Variants in ABR observed in about 807,000 individuals in gnomAD.
ABR encodes active breakpoint cluster region-related protein.
ABR carries 35 observed loss-of-function variants against 107.2 expected under a neutral mutation model. The ratio of observed to expected loss-of-function variants is 0.33; its 90% CI spans 0.25 to 0.43. The LOEUF (loss-of-function observed/expected upper bound fraction) is 0.43. Among genes scored for constraint, ABR ranks in the 20% least tolerant of loss-of-function variants. The pLI is 1.00. For missense variants in ABR, 815 were observed against 1,115.2 expected (o/e 0.73, Z 3.83); for synonymous variants, 498 against 462.0 (o/e 1.08, Z -1.00).
rs571655206 is a variant in ABR at position 1,097,645 on chromosome 17, G to A, written c.345+2992C>T. Among the ~76,000 whole-genome samples, 3 of 146,090 alleles carry A rather than the reference G, an allele frequency of 2.1e-5. No homozygotes were observed. In the East Asian group the frequency reaches 6.1e-4, roughly 30 times the overall value. Reference sequence around the variant, plus strand: ...TATAAATTCCTTTAATCCTCACAACGACCCCATGAAAAGCATACTATTTGT... The same window carrying A: ...TATAAATTCCTTTAATCCTCACAACAACCCCATGAAAAGCATACTATTTGT... On this transcript the variant is annotated intron_variant, in intron 3 of 22. Coordinates refer to ENST00000302538, the MANE Select transcript of ABR (RefSeq NM_021962.5).
exon 1 of ABR, among the ~76,000 whole-genome samples, chr17:1,229,438 G>A (rs1012283488): frequency 6.6e-6 from 1 of 151,766 alleles, no homozygotes; most frequent in Non-Finnish European, 1.5e-5. Context: ...CCGCCGCCCC[G>A]GGCCAGCGCG....
chr17:1,012,116 G>A, intron 18 of ABR, 131 bp from the exon 19 acceptor site: 1 of 1,466,222 alleles, frequency 6.8e-7, no homozygotes. Flanking sequence ...GGGGGCAGGG[G>A]CAGGGCAGAG....
chr17:1,167,478 G>A (rs546728255), intron 1 of ABR, among the ~76,000 whole-genome samples: 1 of 152,308 alleles, frequency 6.6e-6, no homozygotes, highest in South Asian at 2.1e-4. Context: ...CCACCATGGT[G>A]AAAGGCTGGT....
intron 1 of ABR, among the ~76,000 whole-genome samples, chr17:1,143,514 G>T (rs1208400937): frequency 2.3e-4 from 9 of 39,276 alleles, no homozygotes; most frequent in Admixed American, 6.7e-4. Context: ...CGCTCCTGGG[G>T]GACAGCTCGC....
At chr17:1,132,350 TATG>T (rs1440089334) in intron 1 of ABR, among the ~76,000 whole-genome samples, 5 of 151,192 alleles carry the variant, frequency 3.3e-5, no homozygotes, top group Admixed American at 2.0e-4. Flanking sequence ...TTCTACATAT[TATG>T]ATAATACTTG....
At chr17:1,059,863 T>G (rs934588929) in intron 10 of ABR, among the ~76,000 whole-genome samples, 7 of 152,156 alleles carry the variant, frequency 4.6e-5, no homozygotes, top group Non-Finnish European at 7.3e-5. Context: ...TGTGACACTG[T>G]GGGGGACAGT....
chr17:1,215,541 C>A (rs2042984232), intron 1 of ABR, among the ~76,000 whole-genome samples: 1 of 152,284 alleles, frequency 6.6e-6, no homozygotes, highest in South Asian at 2.1e-4. Flanking sequence ...TCACTGAGTG[C>A]TCAATGGTGC....
intron 1 of ABR, among the ~76,000 whole-genome samples, chr17:1,126,832 C>G (rs564435838): frequency 6.6e-6 from 1 of 152,290 alleles, no homozygotes; most frequent in East Asian, 1.9e-4. Context: ...CGCCAGCACC[C>G]ACAACCCCAC....
chr17:1,178,437 A>G (rs1015504974), intron 1 of ABR, among the ~76,000 whole-genome samples: 4 of 151,868 alleles, frequency 2.6e-5, no homozygotes, highest in Admixed American at 1.3e-4. Flanking sequence ...GGTGGTGGGT[A>G]CCTGTAATCC....
intron 2 of ABR, among the ~76,000 whole-genome samples, chr17:1,119,740 T>A: frequency 6.6e-6 from 1 of 152,164 alleles, no homozygotes; most frequent in Admixed American, 6.5e-5. Context: ...TGCAGTAGGA[T>A]CAGCGGCGGG....
intron 13 of ABR, 37 bp downstream of exon 13, chr17:1,056,961 A>T: frequency 1.4e-6 from 2 of 1,470,418 alleles, no homozygotes; most frequent in Non-Finnish European, 1.9e-6. Flanking sequence ...GAGGGCTGGG[A>T]CCTGCCGGTT....
intron 2 of ABR, among the ~76,000 whole-genome samples, chr17:1,124,395 C>T (rs2039495560): frequency 6.6e-6 from 1 of 152,188 alleles, no homozygotes; most frequent in Non-Finnish European, 1.5e-5. Context: ...CCTCCTGCAA[C>T]ACACACCCCC....
At chr17:1,220,722 G>A (rs1323472080) in intron 1 of ABR, among the ~76,000 whole-genome samples, 1 of 152,102 alleles carries the variant, frequency 6.6e-6, no homozygotes, top group African/African-American at 2.4e-5. Context: ...AGCTAAAAAC[G>A]AACCTTACAC....
intron 1 of ABR, among the ~76,000 whole-genome samples, chr17:1,128,767 C>A (rs921159727): frequency 1.5e-4 from 22 of 150,114 alleles, no homozygotes; most frequent in African/African-American, 5.4e-4. Flanking sequence ...TGGAGCCCAC[C>A]CCAGGAAGGT....
intron 2 of ABR, among the ~76,000 whole-genome samples, chr17:1,112,266 C>G (rs1332573756): frequency 6.6e-6 from 1 of 152,226 alleles, no homozygotes; most frequent in African/African-American, 2.4e-5. Context: ...GGGGTGAGGA[C>G]GTGTGAACAC....
intron 1 of ABR, among the ~76,000 whole-genome samples, chr17:1,136,280 G>A (rs1479752980): frequency 1.2e-5 from 1 of 80,604 alleles, no homozygotes; most frequent in Non-Finnish European, 2.9e-5. Flanking sequence ...CCAGGCTGGA[G>A]TGCAATGGCG....
chr17:1,205,940 C>A (rs1270504383), intron 1 of ABR, among the ~76,000 whole-genome samples: 1 of 148,924 alleles, frequency 6.7e-6, no homozygotes, highest in Non-Finnish European at 1.5e-5. Flanking sequence ...GACTCCGACT[C>A]GAAAAAAGAA....
chr17:1,076,582 A>G (rs1347227419), intron 6 of ABR, among the ~76,000 whole-genome samples: 1 of 151,926 alleles, frequency 6.6e-6, no homozygotes. Flanking sequence ...GTTTCTGACT[A>G]AGCTCAGAGG....
At chr17:1,058,600 G>T in intron 11 of ABR, 145 bp downstream of exon 11, 1 of 1,100,904 alleles carries the variant, frequency 9.1e-7, no homozygotes, top group Non-Finnish European at 1.3e-6. Flanking sequence ...AGGGGAGAGC[G>T]AGTCAACAGC....
Sources: gnomAD v4.1 joint callset for allele counts (sites outside exome capture counted in the v4.1 genomes callset) on GRCh38, gnomAD v4.1.1 for gene constraint, MANE v1.5 for transcripts, NCBI Gene and HGNC (gene_info 2026-07-23, HGNC 2026-07-21) for gene names.